The following KALRN variants were observed in gnomAD, a reference collection of about 807,000 sequenced individuals.
KALRN encodes the protein kalirin RhoGEF kinase, also known as kalirin.
In KALRN, 70 loss-of-function variants were observed where a neutral mutation model predicts 353.7. That is an observed-to-expected ratio of 0.20 (90% CI 0.16 to 0.24). KALRN has a LOEUF of 0.24. Ranked by LOEUF, KALRN falls within the 10% of genes least tolerant of loss-of-function variation. The probability of loss-of-function intolerance (pLI) is 1.00; values close to 1 mark genes in which losing one functional copy is unlikely to be tolerated. For synonymous variants in KALRN, 1,391 were observed against 1,434.8 expected (o/e 0.97, Z 0.69); for missense variants, 2,791 against 3,756.7 (o/e 0.74, Z 6.72).
intron 6 of KALRN, among the ~76,000 whole-genome samples, chr3:124,300,487 C>T (rs546878566): frequency 6.6e-6 from 1 of 152,308 alleles, no homozygotes; most frequent in East Asian, 1.9e-4. Flanking sequence ...CCAGTCTTGC[C>T]AGGCAAAGCA....
chr3:124,420,639 T>C (rs1162906908), intron 14 of KALRN, among the ~76,000 whole-genome samples: 1 of 152,176 alleles, frequency 6.6e-6, no homozygotes, highest in Non-Finnish European at 1.5e-5. Context: ...CCACAGATAT[T>C]TCAGGAGCTA....
chr3:124,069,333 AG>A (rs1559899718), intron 1 of KALRN, among the ~76,000 whole-genome samples: 13 of 116,914 alleles, frequency 1.1e-4, no homozygotes, highest in East Asian at 5.1e-4. Flanking sequence ...GAGGAGGAGG[AG>A]GAGGAGGAGG....
In KALRN at chr3:124,632,539, A is replaced by G; in HGVS notation, c.5302A>G (p.Thr1768Ala). The G allele has an allele frequency of 6.2e-7, 1 of 1,613,996 alleles. No homozygotes were observed. The highest frequency in any genetic ancestry group is 8.5e-7 in the Non-Finnish European group (1 of 1,180,002). The change falls in exon 35 of 60, where the codon ACT becomes GCT. Residue 1768 changes from threonine to alanine, a missense_variant. By Grantham distance (58) the Thr-to-Ala change is moderately conservative. This residue lies in a region of KALRN where 1,065 missense variants were observed against 1,156.4 expected (regional missense o/e 0.92). Transcript: ENST00000682506. ...SSPGPKRSTN[T>A]LKKWLTSPVR... ...CCCGGGTCCCAAGCGCTCCACCAACACTCTTAAGAAGTGGCTGACGAGTCC... is the reference window on the plus strand; with the variant it reads ...CCCGGGTCCCAAGCGCTCCACCAACGCTCTTAAGAAGTGGCTGACGAGTCC...
At chr3:124,039,076 A>C (rs2039699870) in intron 1 of KALRN, among the ~76,000 whole-genome samples, 1 of 152,214 alleles carries the variant, frequency 6.6e-6, no homozygotes, top group African/African-American at 2.4e-5. Context: ...CACTACTTTC[A>C]TCACACCACT....
At chr3:124,707,829 A>G (rs964981000) in intron 57 of KALRN, among the ~76,000 whole-genome samples, 14 of 152,226 alleles carry the variant, frequency 9.2e-5, no homozygotes, top group African/African-American at 3.1e-4. Context: ...TGCAGGGGAA[A>G]TCTCAGGAGA....
At chr3:124,160,829 A>G (rs1056693924) in intron 1 of KALRN, among the ~76,000 whole-genome samples, 7 of 152,220 alleles carry the variant, frequency 4.6e-5, no homozygotes, top group Admixed American at 4.6e-4. Context: ...GTCTTCTCCC[A>G]TGTACAGAAG....
intron 47 of KALRN, among the ~76,000 whole-genome samples, chr3:124,669,818 A>G (rs994571876): frequency 4.6e-5 from 7 of 152,240 alleles, no homozygotes; most frequent in Admixed American, 2.0e-4. Context: ...ACTTTAAATC[A>G]TCTCTAGATT....
At chr3:124,263,668 T>C (rs1349482489) in intron 3 of KALRN, among the ~76,000 whole-genome samples, 1 of 152,232 alleles carries the variant, frequency 6.6e-6, no homozygotes. Flanking sequence ...AAATACATGT[T>C]ATTCATACTT....
At chr3:124,493,641 G>C (rs557991351) in intron 32 of KALRN, among the ~76,000 whole-genome samples, 1 of 152,188 alleles carries the variant, frequency 6.6e-6, no homozygotes, top group Non-Finnish European at 1.5e-5. Context: ...CTCCTCCCCT[G>C]TACCTGAATG....
chr3:124,103,343 T>C (rs1007758776), intron 1 of KALRN, among the ~76,000 whole-genome samples: 1 of 152,098 alleles, frequency 6.6e-6, no homozygotes, highest in Non-Finnish European at 1.5e-5. Context: ...TGCCCAGATA[T>C]GGCATGTCCT....
At chr3:124,427,811 T>C (rs894372173) in intron 15 of KALRN, among the ~76,000 whole-genome samples, 1 of 152,218 alleles carries the variant, frequency 6.6e-6, no homozygotes, top group Non-Finnish European at 1.5e-5. Flanking sequence ...GTGTGGAATG[T>C]TAGAACTGGA....
intron 16 of KALRN, among the ~76,000 whole-genome samples, chr3:124,431,153 AAAC>A (rs1403076034): frequency 2.0e-5 from 3 of 152,252 alleles, no homozygotes; most frequent in African/African-American, 7.2e-5. Flanking sequence ...GTTTGAGGAT[AAAC>A]AAGTGCAAAG....
chr3:124,162,707 A>C (rs2070175896), intron 1 of KALRN: 1 of 152,254 alleles, frequency 6.6e-6, no homozygotes, highest in Non-Finnish European at 1.5e-5. Context: ...TTTCCTCCTT[A>C]GCAAAATGGA....
At chr3:124,718,823 A>G in intron 59 of KALRN, 102 bp from the exon 60 acceptor site, 1 of 1,107,292 alleles carries the variant, frequency 9.0e-7, no homozygotes, top group East Asian at 2.4e-5. Context: ...GGCTTTATCA[A>G]AGAATAGCAT....
chr3:124,446,060 TCA>T (rs1021689206), intron 19 of KALRN, 99 bp from the exon 20 acceptor site: 8 of 671,240 alleles, frequency 1.2e-5, no homozygotes, highest in Non-Finnish European at 2.1e-5. Flanking sequence ...ATGCTTGAAA[TCA>T]CAGTCATGGT....
intron 1 of KALRN, among the ~76,000 whole-genome samples, chr3:124,165,508 A>T (rs1024818995): frequency 1.3e-5 from 2 of 152,154 alleles, no homozygotes; most frequent in Non-Finnish European, 2.9e-5. Context: ...ATCCACCTCC[A>T]TAGCAACCAC....
intron 1 of KALRN, among the ~76,000 whole-genome samples, chr3:124,125,955 A>C (rs1381169355): frequency 2.6e-5 from 4 of 152,184 alleles, no homozygotes; most frequent in Non-Finnish European, 5.9e-5. Context: ...ACTCTGAGGC[A>C]GGTTTGGAGG....
At chr3:124,205,307 G>T (rs1379096804) in intron 1 of KALRN, among the ~76,000 whole-genome samples, 1 of 152,180 alleles carries the variant, frequency 6.6e-6, no homozygotes, top group Non-Finnish European at 1.5e-5. Context: ...ACCAGAACAA[G>T]CAGGCTCTAG....
In KALRN at chr3:124,719,590, T is replaced by A; in HGVS notation, c.*120T>A. On this transcript the variant is annotated 3_prime_UTR_variant, in exon 60 of 60. Coordinates refer to ENST00000682506, the MANE Select transcript of KALRN (RefSeq NM_001388419.1). This position sits in a 1 kb window ranked among gnomAD's most constrained non-coding sequence, Gnocchi z 5.3. ...CCGTGCAGTTCTCTGAATTGAGAGA[T>A]GTACCTCTTAAACCTCGTCAGTGGT... 9.9e-7 allele frequency: 1 copy of A among 1,009,702 alleles called. No homozygotes were observed. The highest frequency in any genetic ancestry group is 1.6e-5 in the African/African-American group (1 of 61,452). The allele number at this position is 1,009,702 out of a possible 1,614,324, so 62.5% of individuals were successfully genotyped here. A position where few individuals can be genotyped will look rare whatever the true frequency, so the allele number is the denominator to read the frequency against.
Sources: gnomAD v4.1 joint callset for allele counts (sites outside exome capture counted in the v4.1 genomes callset) on GRCh38, gnomAD v4.1.1 for gene constraint, gnomAD v4.1.1 regional missense constraint, Gnocchi (gnomAD v3.1) non-coding constraint, MANE v1.5 for transcripts, NCBI Gene and HGNC (gene_info 2026-07-23, HGNC 2026-07-21) for gene names.